The following ESR1 variants were observed in gnomAD, a reference collection of about 807,000 sequenced individuals.
ESR1 encodes the protein estrogen receptor 1.
Under a neutral mutation model 52.7 loss-of-function variants are expected in ESR1, and 12 were observed. The ratio of observed to expected loss-of-function variants is 0.23; its 90% confidence interval spans 0.15 to 0.37. The LOEUF is 0.37. Among genes scored for constraint, ESR1 ranks in the 10% least tolerant of loss-of-function variants. The probability of loss-of-function intolerance (pLI) is 1.00; values close to 1 mark genes in which losing one functional copy is unlikely to be tolerated. For missense variants in ESR1, 584 were observed against 779.7 expected, an observed-to-expected ratio of 0.75 and a Z score of 2.99; for synonymous variants, 305 against 316.8, an observed-to-expected ratio of 0.96 and a Z score of 0.39.
intron 1 of ESR1, among the ~76,000 whole-genome samples, chr6:151,666,714 TC>T (rs1777839123): frequency 7.0e-6 from 1 of 143,164 alleles, no homozygotes; most frequent in Non-Finnish European, 1.5e-5. Context: ...CTCCTCCTCC[TC>T]CTCCTCCTCC....
At chr6:151,781,827 A>C (rs1281731746) in intron 2 of ESR1, among the ~76,000 whole-genome samples, 2 of 152,236 alleles carry the variant, frequency 1.3e-5, no homozygotes, top group South Asian at 4.1e-4. Flanking sequence ...TACTTTCAGC[A>C]TAGGCTATAT....
intron 4 of ESR1, among the ~76,000 whole-genome samples, chr6:151,954,080 C>A (rs1032191009): frequency 6.6e-6 from 1 of 152,142 alleles, no homozygotes; most frequent in Non-Finnish European, 1.5e-5. Flanking sequence ...GTCTCAAGCA[C>A]GCGCCTGTAC....
chr6:151,685,181 C>T (rs865888584), intron 1 of ESR1, among the ~76,000 whole-genome samples: 10 of 126,854 alleles, frequency 7.9e-5, no homozygotes, highest in Middle Eastern at 5.8e-3. Context: ...GGCCGGACTG[C>T]GGACTGCAGT....
At chr6:151,850,101 T>TGCATATAAAATA (rs1447153907) in intron 2 of ESR1, among the ~76,000 whole-genome samples, 3,435 of 119,846 alleles carry the variant, frequency 0.029, 174 homozygotes, top group Admixed American at 0.048. Flanking sequence ...TAATTTTATA[T>TGCATATAAAATA]ATATATACAA....
At position 151,809,297 on chromosome 6, in the gene ESR1, T is replaced by C. The variant is rs9340775; in HGVS notation, c.452+933T>C. 3.1e-5 allele frequency: 11 copies of C among 351,874 alleles called. No homozygotes were observed. In the East Asian group the frequency reaches 5.5e-4, roughly 17 times the overall value. 21.8% of individuals were successfully genotyped at this position (351,874 alleles called of 1,614,324 possible). On this transcript the variant is annotated intron_variant, in intron 1 of 7. Transcript: ENST00000206249. Reference sequence around the variant, plus strand: ...GTTGTGTGTCCTCATTTTAATTTTTTTCCCTACAAGAATTGTTCTTTCTCC... The same window carrying C: ...GTTGTGTGTCCTCATTTTAATTTTTCTCCCTACAAGAATTGTTCTTTCTCC...
In ESR1 at chr6:151,880,507, G is replaced by A. The variant is rs1345835025; in HGVS notation, c.644-148G>A. 1.4e-5 allele frequency: 10 copies of A among 725,728 alleles called. No individual in the cohort carries two copies. The Admixed American group carries it at 1.9e-4, about 14-fold the overall frequency. 45.0% of individuals were successfully genotyped at this position (725,728 alleles called of 1,614,324 possible). A position where few individuals can be genotyped will look rare whatever the true frequency, so the allele number is the denominator to read the frequency against. On this transcript the variant is annotated intron_variant, in intron 2 of 7. Coordinates refer to ENST00000206249, the MANE Select transcript of ESR1 (RefSeq NM_000125.4). ...ATGAGAGGTTTTGTTTGCACTTCAA[G>A]AAGGACAGAAAAAGGCAGGCAGGCT...
intron 1 of ESR1, among the ~76,000 whole-genome samples, chr6:151,698,504 G>A (rs533705899): frequency 6.6e-6 from 1 of 152,254 alleles, no homozygotes; most frequent in East Asian, 1.9e-4. Flanking sequence ...AAGGAAAACT[G>A]TGATCTCTCC....
intron 2 of ESR1, among the ~76,000 whole-genome samples, chr6:151,791,331 G>C (rs1776133563): frequency 6.6e-6 from 1 of 152,236 alleles, no homozygotes; most frequent in African/African-American, 2.4e-5. Context: ...TAAGTCTCAC[G>C]AGATCTGATG....
intron 5 of ESR1, among the ~76,000 whole-genome samples, chr6:152,027,537 G>T (rs2044259625): frequency 6.6e-6 from 1 of 152,032 alleles, no homozygotes; most frequent in Non-Finnish European, 1.5e-5. Context: ...TTTATGCTGA[G>T]AAATTTGGCT....
intron 2 of ESR1, among the ~76,000 whole-genome samples, chr6:151,735,699 A>G (rs957565668): frequency 6.6e-5 from 10 of 152,008 alleles, no homozygotes; most frequent in South Asian, 2.1e-4. Context: ...GGGTCCTTGG[A>G]TTTTATGGGC....
At chr6:151,708,894 T>C (rs563325567) in intron 2 of ESR1, among the ~76,000 whole-genome samples, 1 of 152,216 alleles carries the variant, frequency 6.6e-6, no homozygotes, top group South Asian at 2.1e-4. Context: ...TATCGAGATA[T>C]ATATATCACA....
chr6:152,048,147 G>T (rs1183458150), intron 5 of ESR1, among the ~76,000 whole-genome samples: 1 of 151,558 alleles, frequency 6.6e-6, no homozygotes, highest in Non-Finnish European at 1.5e-5. Flanking sequence ...GAGGCAGGTG[G>T]ACCACGAGGT....
chr6:152,093,835 T>C (rs1473984694), intron 6 of ESR1, among the ~76,000 whole-genome samples: 1 of 152,114 alleles, frequency 6.6e-6, no homozygotes, highest in Admixed American at 6.5e-5. Flanking sequence ...CGCTCATCAC[T>C]CTCTGTCTCT....
chr6:151,837,500 T>C (rs775642436), intron 1 of ESR1, among the ~76,000 whole-genome samples: 10 of 152,194 alleles, frequency 6.6e-5, no homozygotes, highest in Admixed American at 5.2e-4. Flanking sequence ...CCTATTTCCA[T>C]AGATGCAGTG....
chr6:151,826,169 G>A (rs1156861181), intron 1 of ESR1, among the ~76,000 whole-genome samples: 1 of 152,176 alleles, frequency 6.6e-6, no homozygotes, highest in Non-Finnish European at 1.5e-5. Context: ...AGCATGCTTA[G>A]ACTACAGCAG....
At chr6:152,072,159 C>T (rs540216522) in intron 6 of ESR1, among the ~76,000 whole-genome samples, 1 of 152,336 alleles carries the variant, frequency 6.6e-6, no homozygotes, top group East Asian at 1.9e-4. Flanking sequence ...ATAAACATCT[C>T]CTTTTGAAAC....
In ESR1 at chr6:151,665,470, C is replaced by A. The variant is rs552644280; in HGVS notation, n.73+8707C>A. 4.2e-4 allele frequency among the ~76,000 whole-genome samples: 64 copies of A among 152,300 alleles called. 2 individuals are homozygous for A. The South Asian group carries it at 0.012, about 29-fold the overall frequency. ...GATCTCTGAACTCAGAAGCCCAGAA[C>A]TCCAAAGCTGGAAGCCACCAGATCC... On this transcript the variant is annotated intron_variant and non_coding_transcript_variant, in intron 1 of 2. Coordinates refer to the ESR1 transcript ENST00000473497.
chr6:151,944,718 T>C (rs948429843), intron 4 of ESR1, among the ~76,000 whole-genome samples: 2 of 152,174 alleles, frequency 1.3e-5, no homozygotes, highest in African/African-American at 4.8e-5. Flanking sequence ...TCTAGAAGAC[T>C]GAAATTCTTA....
chr6:151,820,488 G>A (rs1039602410), intron 1 of ESR1, among the ~76,000 whole-genome samples: 12 of 152,070 alleles, frequency 7.9e-5, no homozygotes, highest in Non-Finnish European at 1.6e-4. Flanking sequence ...TTTATGGGAC[G>A]TAGAAACTAA....
Sources: allele counts gnomAD v4.1 joint callset (sites outside exome capture counted in the v4.1 genomes callset), GRCh38; gene constraint gnomAD v4.1.1; transcripts MANE v1.5; gene names NCBI Gene and HGNC (gene_info 2026-07-23, HGNC 2026-07-21).